NCKAP5: variants seen among roughly 807,000 people sequenced by gnomAD.
The protein encoded by NCKAP5 is NCK associated protein 5, also known as nck-associated protein 5.
A neutral mutation model predicts 167.0 loss-of-function variants in NCKAP5; 92 were observed. The ratio of observed to expected loss-of-function variants is 0.55; its 90% CI spans 0.47 to 0.66. The LOEUF (loss-of-function observed/expected upper bound fraction) is 0.66. NCKAP5 is among the 30% of genes least tolerant of loss of function. The pLI is 0.00. For synonymous variants in NCKAP5, 891 were observed against 877.4 expected, an observed-to-expected ratio of 1.02 and a Z score of -0.27; for missense variants, 2,378 against 2,315.0, an observed-to-expected ratio of 1.03 and a Z score of -0.56.
chr2:133,140,497 G>A (rs940132282), intron 5 of NCKAP5, among the ~76,000 whole-genome samples: 1 of 151,950 alleles, frequency 6.6e-6, no homozygotes, highest in African/African-American at 2.4e-5. Context: ...CTGTTATGGA[G>A]GATTCCAAGA....
At chr2:132,935,018 A>C (rs1168332385) in intron 8 of NCKAP5, among the ~76,000 whole-genome samples, 1 of 152,238 alleles carries the variant, frequency 6.6e-6, no homozygotes, top group Non-Finnish European at 1.5e-5. Context: ...TAAACCAATC[A>C]GTACATGGCT....
the NCKAP5 span, among the ~76,000 whole-genome samples, chr2:133,626,245 C>T: frequency 6.6e-6 from 1 of 152,130 alleles, no homozygotes; most frequent in African/African-American, 2.4e-5. Flanking sequence ...TGATATGTCC[C>T]TTCTGATGGA....
chr2:133,612,426 A>G, the NCKAP5 span, among the ~76,000 whole-genome samples: 1 of 152,204 alleles, frequency 6.6e-6, no homozygotes. Flanking sequence ...TTCAATCTCA[A>G]ATACACAAGC....
chr2:132,910,636 A>G (rs900546155), intron 8 of NCKAP5, among the ~76,000 whole-genome samples: 2 of 152,212 alleles, frequency 1.3e-5, no homozygotes, highest in African/African-American at 4.8e-5. Flanking sequence ...TCCATTGTAT[A>G]TATGTACCAC....
intron 5 of NCKAP5, among the ~76,000 whole-genome samples, chr2:133,159,737 A>G (rs998979016): frequency 1.3e-5 from 2 of 152,240 alleles, no homozygotes; most frequent in African/African-American, 4.8e-5. Flanking sequence ...TAAAGATGTT[A>G]GATTTTTTTA....
Position 133,255,860 on chromosome 2 carries a change from A to G in NCKAP5, c.144-42081T>C, listed in dbSNP as rs1438316571. On this transcript the variant is annotated intron_variant, in intron 4 of 19. Coordinates refer to ENST00000409261, the MANE Select transcript of NCKAP5 (RefSeq NM_207363.3). The stretch of plus-strand genomic sequence containing the variant: ...CAAAGCTTACATTACAGAATTAAAA[A>G]CAAGTGTTTAATTAATGAACAAATT... Among the ~76,000 whole-genome samples, 2 of 152,248 alleles carry G rather than the reference A, an allele frequency of 1.3e-5. 1 individual carries two copies. The highest frequency in any genetic ancestry group is 3.8e-4 in the East Asian group (2 of 5,206).
chr2:133,406,753 G>A (rs1688462340), intron 3 of NCKAP5, among the ~76,000 whole-genome samples: 1 of 152,168 alleles, frequency 6.6e-6, no homozygotes, highest in South Asian at 2.1e-4. Context: ...TTCTCTCACA[G>A]ACTCAGCCAG....
chr2:133,122,786 A>G lies in NCKAP5; in HGVS notation c.341+7192T>C, dbSNP rs560760214. On this transcript the variant is annotated intron_variant, in intron 6 of 19. Transcript: ENST00000409261. ...ACAGTCTCCTCCAAGACCTCAACAT[A>G]AAACTCATTGTTAGAATCTTCAAGA... is the stretch of plus-strand genomic sequence containing the variant. 5.3e-4 allele frequency: 81 copies of G among 152,356 alleles called. 1 individual carries two copies. The highest frequency in any genetic ancestry group is 2.4e-3 in the Admixed American group (37 of 15,302). 9.4% of individuals were successfully genotyped at this position (152,356 alleles called of 1,614,324 possible).
chr2:132,777,944 C>T (rs1027056917), intron 15 of NCKAP5, among the ~76,000 whole-genome samples: 1 of 151,768 alleles, frequency 6.6e-6, no homozygotes, highest in Non-Finnish European at 1.5e-5. Flanking sequence ...TAAAATGGTT[C>T]ACGATGAAGG....
intron 3 of NCKAP5, among the ~76,000 whole-genome samples, chr2:133,365,601 T>C (rs977549889): frequency 3.9e-5 from 6 of 152,166 alleles, no homozygotes; most frequent in African/African-American, 1.4e-4. Flanking sequence ...ATAAGTCCCA[T>C]GAAAATAAGG....
chr2:132,842,425 T>C (rs1688355748), intron 11 of NCKAP5, among the ~76,000 whole-genome samples: 1 of 152,168 alleles, frequency 6.6e-6, no homozygotes, highest in South Asian at 2.1e-4. Flanking sequence ...ATTTTAGCCT[T>C]CATTGTTACT....
At chr2:133,425,387 C>G (rs141226292) in intron 3 of NCKAP5, among the ~76,000 whole-genome samples, 3 of 152,168 alleles carry the variant, frequency 2.0e-5, no homozygotes, top group Non-Finnish European at 4.4e-5. Context: ...ACAGTATGTA[C>G]GTGAAACATC....
intron 6 of NCKAP5, among the ~76,000 whole-genome samples, chr2:133,015,399 T>G (rs566212613): frequency 2.0e-5 from 3 of 152,178 alleles, no homozygotes; most frequent in Non-Finnish European, 2.9e-5. Flanking sequence ...TTTTCATTTT[T>G]TGGTCCCTAT....
intron 2 of NCKAP5, among the ~76,000 whole-genome samples, chr2:133,518,700 A>G (rs1194640043): frequency 6.6e-6 from 1 of 152,056 alleles, no homozygotes; most frequent in African/African-American, 2.4e-5. Flanking sequence ...TGGACAAGTC[A>G]TTTAACCTCT....
intron 4 of NCKAP5, among the ~76,000 whole-genome samples, chr2:133,292,792 T>A (rs923739088): frequency 6.6e-6 from 1 of 152,208 alleles, no homozygotes; most frequent in Admixed American, 6.5e-5. Context: ...AGTAAATCTA[T>A]CTTTTAAGTA....
Position 132,982,022 on chromosome 2 carries a change from A to T in NCKAP5, c.429+12130T>A, listed in dbSNP as rs57657877. Among the ~76,000 whole-genome samples the T allele has an allele frequency of 2.0e-3, 310 of 152,314 alleles. 7 individuals carry two copies. In the East Asian group the frequency reaches 0.029, roughly 14 times the overall value. On this transcript the variant is annotated intron_variant, in intron 7 of 19. Transcript: ENST00000409261. ...TCTCACAGCTTCATGATTTTCTCCA[A>T]TGCTAAAGCTTTAGGCTTACGAAAG...
At chr2:133,473,611 T>A (rs1424999651) in intron 3 of NCKAP5, among the ~76,000 whole-genome samples, 1 of 152,242 alleles carries the variant, frequency 6.6e-6, no homozygotes, top group Admixed American at 6.5e-5. Context: ...TTTCTAATCA[T>A]ATACATTTTG....
chr2:133,469,830 T>A (rs866812367), intron 3 of NCKAP5, among the ~76,000 whole-genome samples: 6 of 151,800 alleles, frequency 4.0e-5, no homozygotes, highest in Admixed American at 3.3e-4. Context: ...ACATTCTTCA[T>A]GTAGTTCTCG....
intron 3 of NCKAP5, among the ~76,000 whole-genome samples, chr2:133,473,015 A>T (rs1679486883): frequency 6.6e-6 from 1 of 152,060 alleles, no homozygotes; most frequent in African/African-American, 2.4e-5. Flanking sequence ...AACCAGTTTG[A>T]TCTTAAACAA....
Sources: gnomAD v4.1 joint callset for allele counts (sites outside exome capture counted in the v4.1 genomes callset) on GRCh38, gnomAD v4.1.1 for gene constraint, MANE v1.5 for transcripts, NCBI Gene and HGNC (gene_info 2026-07-23, HGNC 2026-07-21) for gene names.